Variants in AFF2 observed in about 807,000 individuals in gnomAD.
The protein encoded by AFF2 is AF4/FMR2 family member 2.
A neutral mutation model predicts 76.9 loss-of-function variants in AFF2; 14 were observed. The ratio of observed to expected loss-of-function variants is 0.18; its 90% confidence interval spans 0.12 to 0.28. The LOEUF (loss-of-function observed/expected upper bound fraction) is 0.28, where lower values mean the gene tolerates loss of function less well. AFF2 is among the 10% of genes least tolerant of loss of function. The probability of loss-of-function intolerance (pLI) is 1.00; values close to 1 mark genes in which losing one functional copy is unlikely to be tolerated. For missense variants in AFF2, 868 were observed against 1,001.1 expected (o/e 0.87, Z 1.79); for synonymous variants, 398 against 366.7 (o/e 1.09, Z -0.98).
chrX:148,556,097 G>A (rs896084561), intron 1 of AFF2, among the ~76,000 whole-genome samples: 2 of 111,925 alleles, frequency 1.8e-5, no homozygotes, highest in African/African-American at 3.2e-5. Flanking sequence ...GAGAGCCAGC[G>A]GTGGAGATTT....
intron 3 of AFF2, among the ~76,000 whole-genome samples, chrX:148,771,986 T>G (rs1269865778): frequency 8.9e-6 from 1 of 111,761 alleles, no homozygotes; most frequent in African/African-American, 3.2e-5. Flanking sequence ...AAAAGAAACC[T>G]GCAAGATTCA....
chrX:148,884,632 A>C (rs1038648738), intron 7 of AFF2, among the ~76,000 whole-genome samples: 9 of 112,367 alleles, frequency 8.0e-5, no homozygotes, highest in African/African-American at 2.3e-4. Context: ...CTGCAAAATG[A>C]GGCCAGTAGA....
chrX:148,723,371 C>T (rs782423223), intron 3 of AFF2, among the ~76,000 whole-genome samples: 9 of 111,869 alleles, frequency 8.0e-5, no homozygotes, highest in African/African-American at 2.9e-4. Context: ...CGGAGACAAA[C>T]TTTCTAATTA....
In AFF2 at chrX:148,834,543, GTGTGTA is replaced by G. The variant is rs1448073340; in HGVS notation, c.1087-3100_1087-3095del. Among the ~76,000 whole-genome samples, 17 of 77,784 alleles carry G rather than the reference GTGTGTA, an allele frequency of 2.2e-4. No homozygotes were observed. In the East Asian group the frequency reaches 6.7e-3, roughly 31 times the overall value. 67.5% of individuals were successfully genotyped at this position (77,784 alleles called of 115,157 possible). ...TGTGTGTGTGTGTGTGTGTGTGTGT[GTGTGTA>G]TGTAACTTATTTTTGTTAAAAGAGA... On this transcript the variant is annotated intron_variant, in intron 4 of 20. Coordinates refer to ENST00000370460, the MANE Select transcript of AFF2 (RefSeq NM_002025.4).
At chrX:148,745,812 G>A (rs1557266028) in intron 3 of AFF2, among the ~76,000 whole-genome samples, 1 of 110,661 alleles carries the variant, frequency 9.0e-6, no homozygotes, top group Non-Finnish European at 1.9e-5. Flanking sequence ...GTGCGATCTC[G>A]GTTCACTGCA....
chrX:148,892,826 T>TA (rs2071239383), intron 8 of AFF2, among the ~76,000 whole-genome samples: 2 of 111,602 alleles, frequency 1.8e-5, no homozygotes, highest in Non-Finnish European at 3.8e-5. Flanking sequence ...AACAAGTTGT[T>TA]ACCTCCCCAA....
chrX:148,980,000 C>A (rs1037202944), intron 18 of AFF2, among the ~76,000 whole-genome samples: 2 of 111,773 alleles, frequency 1.8e-5, no homozygotes, highest in Non-Finnish European at 3.8e-5. Flanking sequence ...GCCATCTGTG[C>A]TGCTTGACCT....
At position 148,677,014 on chromosome X, in the gene AFF2, C is replaced by G. The variant is rs782527750; in HGVS notation, c.1041+14246C>G. Among the ~76,000 whole-genome samples, 395 of 110,387 alleles carry G rather than the reference C, an allele frequency of 3.6e-3. 3 individuals are homozygous for G. Among genetic ancestry groups the G allele is most frequent in the African/African-American group, 0.013 (391 of 30,302 alleles). ...GTAACATGTTAGGGCTGGTGAGATT[C>G]GAGGCAGAAAGATTGAAAAGGCTGT... On this transcript the variant is annotated intron_variant, in intron 3 of 20. Transcript: ENST00000370460.
chrX:148,695,379 A>G (rs1017374823), intron 3 of AFF2, among the ~76,000 whole-genome samples: 3 of 111,957 alleles, frequency 2.7e-5, no homozygotes, highest in Admixed American at 9.5e-5. Flanking sequence ...AGTGTAATGC[A>G]TGTATATAGA....
In AFF2 at chrX:148,503,090, G is replaced by A. The variant is rs782505734; in HGVS notation, c.47+1946G>A. On this transcript the variant is annotated intron_variant, in intron 1 of 20. Coordinates refer to ENST00000370460, the MANE Select transcript of AFF2 (RefSeq NM_002025.4). ...TGAAATACTGATTAATTAGTGTAAC[G>A]CATCTGCATAAATAAGCCTGTCCTT... Among the ~76,000 whole-genome samples the A allele has an allele frequency of 9.8e-5, 11 of 112,231 alleles. No individual in the cohort carries two copies. In the South Asian group the frequency reaches 1.9e-3, roughly 19 times the overall value.
chrX:148,979,693 T>C (rs1165090547), intron 18 of AFF2, among the ~76,000 whole-genome samples: 1 of 112,350 alleles, frequency 8.9e-6, no homozygotes, highest in Non-Finnish European at 1.9e-5. Context: ...CTCTATAGTT[T>C]ACAGGGTATT....
chrX:148,828,243 G>T (rs1182837065), intron 4 of AFF2, among the ~76,000 whole-genome samples: 1 of 111,943 alleles, frequency 8.9e-6, no homozygotes, highest in African/African-American at 3.2e-5. Flanking sequence ...AATTTCAAGG[G>T]TTAGAAATGT....
At chrX:148,975,228 T>C (rs1310556757) in intron 16 of AFF2, among the ~76,000 whole-genome samples, 1 of 109,975 alleles carries the variant, frequency 9.1e-6, no homozygotes, top group Non-Finnish European at 1.9e-5. Flanking sequence ...ACTTTAACTG[T>C]GGAAATCTGA....
intron 3 of AFF2, among the ~76,000 whole-genome samples, chrX:148,686,272 TTGA>T (rs1428851400): frequency 1.8e-5 from 2 of 111,811 alleles, no homozygotes; most frequent in Non-Finnish European, 3.8e-5. Context: ...GGTGAAACCA[TTGA>T]TCTTATTTTA....
In AFF2 at chrX:148,916,200, T is replaced by A. The variant is rs1284354615; in HGVS notation, c.1397+11942T>A. Among the ~76,000 whole-genome samples, 3 of 8,108 alleles carry A rather than the reference T, an allele frequency of 3.7e-4. No individual in the cohort carries two copies. The East Asian group carries it at 0.062, about 169-fold the overall frequency. The allele number at this position is 8,108 out of a possible 115,157, so 7.0% of individuals were successfully genotyped here. A position where few individuals can be genotyped will look rare whatever the true frequency, so the allele number is the denominator to read the frequency against. On this transcript the variant is annotated intron_variant, in intron 9 of 20. Transcript: ENST00000370460. ...GACTTTTGAATGTGGTTTTAACTTT[T>A]TTTTTTTTTTTTTTTTTTTTTTTTT...
intron 1 of AFF2, among the ~76,000 whole-genome samples, chrX:148,560,910 C>G (rs1448738254): frequency 9.0e-6 from 1 of 111,674 alleles, no homozygotes; most frequent in African/African-American, 3.3e-5. Flanking sequence ...TGATTTTTCT[C>G]TGTACCCCTC....
intron 2 of AFF2, among the ~76,000 whole-genome samples, chrX:148,659,161 T>G (rs1430571265): frequency 8.9e-6 from 1 of 112,266 alleles, no homozygotes; most frequent in Non-Finnish European, 1.9e-5. Flanking sequence ...TAGAAATTCT[T>G]TTAATTTCAA....
At chrX:148,960,488 G>C (rs2124372026) in intron 12 of AFF2, among the ~76,000 whole-genome samples, 1 of 112,336 alleles carries the variant, frequency 8.9e-6, no homozygotes, top group African/African-American at 3.2e-5. Flanking sequence ...TTATCGTTCA[G>C]AAAGAGCCTC....
chrX:148,785,696 T>A (rs2069810438), intron 3 of AFF2, among the ~76,000 whole-genome samples: 1 of 112,115 alleles, frequency 8.9e-6, no homozygotes, highest in Admixed American at 9.5e-5. Context: ...TCTGAGGAAC[T>A]GGCTCTCTCA....
Sources: gnomAD v4.1 joint callset for allele counts (sites outside exome capture counted in the v4.1 genomes callset) on GRCh38, gnomAD v4.1.1 for gene constraint, MANE v1.5 for transcripts, NCBI Gene and HGNC (gene_info 2026-07-23, HGNC 2026-07-21) for gene names.